Variants in GRM1 observed in about 807,000 individuals in gnomAD.
GRM1 encodes the protein glutamate metabotropic receptor 1.
Under a neutral mutation model 90.9 loss-of-function variants are expected in GRM1, and 33 were observed. The observed-to-expected ratio is 0.36, with a 90% CI of 0.28 to 0.49. The LOEUF is 0.49. Ranked by LOEUF, GRM1 falls within the 20% of genes least tolerant of loss-of-function variation. The pLI is 0.99. For synonymous variants in GRM1, 700 were observed against 613.2 expected, an observed-to-expected ratio of 1.14 and a Z score of -2.09; for missense variants, 1,190 against 1,534.3, an observed-to-expected ratio of 0.78 and a Z score of 3.75.
At chr6:146,214,035 G>A (rs1332882091) in intron 2 of GRM1, among the ~76,000 whole-genome samples, 1 of 152,100 alleles carries the variant, frequency 6.6e-6, no homozygotes, top group African/African-American at 2.4e-5. Flanking sequence ...AAAAGAGAGA[G>A]TCCAATTCAC....
At chr6:146,158,105 T>C (rs1257131267) in intron 1 of GRM1, among the ~76,000 whole-genome samples, 1 of 152,208 alleles carries the variant, frequency 6.6e-6, no homozygotes, top group Non-Finnish European at 1.5e-5. Flanking sequence ...GAATTTTAAA[T>C]AAAACCATTC....
At chr6:146,350,901 A>G (rs1308422745) in intron 3 of GRM1, among the ~76,000 whole-genome samples, 1 of 152,188 alleles carries the variant, frequency 6.6e-6, no homozygotes, top group African/African-American at 2.4e-5. Context: ...ATTAAAATCT[A>G]ATCTTCTTCC....
At chr6:146,201,019 G>T (rs1028427518) in intron 2 of GRM1, among the ~76,000 whole-genome samples, 4 of 152,144 alleles carry the variant, frequency 2.6e-5, no homozygotes, top group African/African-American at 9.7e-5. Context: ...TGGTGGTTCT[G>T]TGTTCCCACC....
intron 2 of GRM1, among the ~76,000 whole-genome samples, chr6:146,273,497 T>C (rs1187015175): frequency 6.6e-6 from 1 of 152,194 alleles, no homozygotes; most frequent in Non-Finnish European, 1.5e-5. Context: ...ACTCCCTAGG[T>C]GTCCTAAAAT....
intron 5 of GRM1, among the ~76,000 whole-genome samples, chr6:146,372,355 G>A (rs541122004): frequency 1.3e-5 from 2 of 152,016 alleles, no homozygotes; most frequent in African/African-American, 4.8e-5. Context: ...TATACATTCT[G>A]GTTATTAATT....
intron 2 of GRM1, among the ~76,000 whole-genome samples, chr6:146,160,884 T>C (rs1486514032): frequency 6.6e-6 from 1 of 152,178 alleles, no homozygotes; most frequent in Non-Finnish European, 1.5e-5. Flanking sequence ...AATTATTAAA[T>C]GTGGGCAAAA....
chr6:146,343,099 A>T (rs1370591618), intron 3 of GRM1, among the ~76,000 whole-genome samples: 1 of 151,940 alleles, frequency 6.6e-6, no homozygotes, highest in East Asian at 1.9e-4. Context: ...TATCTTTGAC[A>T]GTTTGTAGAG....
chr6:146,375,547 T>C (rs1052726304), intron 5 of GRM1, among the ~76,000 whole-genome samples: 46 of 152,086 alleles, frequency 3.0e-4, no homozygotes, highest in Non-Finnish European at 2.5e-4. Context: ...ATAGCTCTAA[T>C]AATATTTCCT....
chr6:146,196,790 G>A (rs1320490776), intron 2 of GRM1, among the ~76,000 whole-genome samples: 6 of 152,146 alleles, frequency 3.9e-5, no homozygotes, highest in African/African-American at 7.2e-5. Flanking sequence ...GAATGTTTAA[G>A]AGCCAGTGGT....
Position 146,436,809 on chromosome 6 carries a change from T to C in GRM1, c.*2013T>C, listed in dbSNP as rs1236168289. ...CATATTTTAATATGCTTCCTTCATA[T>C]TGAAGCTGCTGATTTCTCAGCCAAA... On this transcript the variant is annotated 3_prime_UTR_variant, in exon 8 of 8. Coordinates refer to ENST00000282753, the MANE Select transcript of GRM1 (RefSeq NM_001278064.2). 6.5e-6 allele frequency: 1 copy of C among 152,772 alleles called. No homozygotes were observed. Among genetic ancestry groups the C allele is most frequent in the South Asian group, 2.1e-4 (1 of 4,828 alleles). 9.5% of individuals were successfully genotyped at this position (152,772 alleles called of 1,614,324 possible). A position where few individuals can be genotyped will look rare whatever the true frequency, so the allele number is the denominator to read the frequency against.
chr6:146,085,757 GT>G (rs1355308895), intron 1 of GRM1, among the ~76,000 whole-genome samples: 26 of 152,116 alleles, frequency 1.7e-4, no homozygotes, highest in Admixed American at 1.6e-3. Flanking sequence ...CACCCTAAGA[GT>G]GTACTGGCAT....
intron 1 of GRM1, among the ~76,000 whole-genome samples, chr6:146,135,834 T>C (rs1174087862): frequency 2.0e-5 from 3 of 152,130 alleles, no homozygotes; most frequent in Non-Finnish European, 4.4e-5. Flanking sequence ...ATTAAATTAT[T>C]ATTAACTGTA....
intron 6 of GRM1, among the ~76,000 whole-genome samples, chr6:146,388,159 C>CT (rs1011744648): frequency 1.3e-5 from 2 of 151,944 alleles, no homozygotes; most frequent in Non-Finnish European, 2.9e-5. Flanking sequence ...GCCATAGAGG[C>CT]TTTTTTATGT....
At chr6:146,287,299 A>C (rs1165333057) in intron 2 of GRM1, among the ~76,000 whole-genome samples, 1 of 152,182 alleles carries the variant, frequency 6.6e-6, no homozygotes, top group Admixed American at 6.5e-5. Context: ...CTTATATAAG[A>C]GGTCAGGGTC....
At chr6:146,153,066 G>T (rs1200700688) in intron 1 of GRM1, among the ~76,000 whole-genome samples, 2 of 152,114 alleles carry the variant, frequency 1.3e-5, no homozygotes, top group Admixed American at 1.3e-4. Context: ...GCCTGACATT[G>T]CTTGCTCATG....
chr6:146,362,664 CAAAA>C lies in GRM1; in HGVS notation c.1602+4989_1602+4992del, dbSNP rs11432508. On this transcript the variant is annotated intron_variant, in intron 5 of 7. Coordinates refer to ENST00000282753, the MANE Select transcript of GRM1 (RefSeq NM_001278064.2). ...TAGGTGACAGAGCGAGACTCCATCTCAAAAAAAAAAAAAAAAAAAAAAGACATTT... is the reference window on the plus strand; with the variant it reads ...TAGGTGACAGAGCGAGACTCCATCTCAAAAAAAAAAAAAAAAAAGACATTT... Among the ~76,000 whole-genome samples, 19 of 86,210 alleles carry C rather than the reference CAAAA, an allele frequency of 2.2e-4. 1 individual carries two copies. The highest frequency in any genetic ancestry group is 3.4e-4 in the East Asian group (1 of 2,906). The allele number at this position is 86,210 out of a possible 152,430, so 56.6% of individuals were successfully genotyped here.
At chr6:146,216,506 A>G (rs866037955) in intron 2 of GRM1, among the ~76,000 whole-genome samples, 1 of 152,184 alleles carries the variant, frequency 6.6e-6, no homozygotes, top group African/African-American at 2.4e-5. Context: ...TTTTATTGCC[A>G]TGTTAACAGC....
chr6:146,356,613 T>C (rs1785594227), intron 4 of GRM1, among the ~76,000 whole-genome samples: 1 of 152,158 alleles, frequency 6.6e-6, no homozygotes, highest in Non-Finnish European at 1.5e-5. Context: ...GTCCTGAATA[T>C]AAAGCAGTTT....
At chr6:146,372,610 T>TTAATTGATATTA (rs1775944110) in intron 5 of GRM1, among the ~76,000 whole-genome samples, 1 of 152,164 alleles carries the variant, frequency 6.6e-6, no homozygotes. Flanking sequence ...ATTTAAGTCT[T>TTAATTGATATTA]TAATTGATAT....
Sources: gnomAD v4.1 joint callset for allele counts (sites outside exome capture counted in the v4.1 genomes callset) on GRCh38, gnomAD v4.1.1 for gene constraint, MANE v1.5 for transcripts, NCBI Gene and HGNC (gene_info 2026-07-23, HGNC 2026-07-21) for gene names.